Variants in BNIP3 observed in about 807,000 individuals in gnomAD.
BNIP3 encodes BCL2/adenovirus E1B 19 kDa protein-interacting protein 3.
In BNIP3, 16 loss-of-function variants were observed where a neutral mutation model predicts 23.9. That is an observed-to-expected ratio of 0.67 (90% CI 0.45 to 1.01). The LOEUF (loss-of-function observed/expected upper bound fraction) is 1.01. BNIP3 is among the 50% of genes least tolerant of loss of function. The pLI is 0.00. For missense variants in BNIP3, 198 were observed against 248.7 expected (o/e 0.80, Z 1.37); for synonymous variants, 81 against 89.3 (o/e 0.91, Z 0.53).
intron 3 of BNIP3, among the ~76,000 whole-genome samples, chr10:131,971,853 C>G (rs1160373533): frequency 2.6e-5 from 4 of 152,158 alleles, no homozygotes; most frequent in Non-Finnish European, 5.9e-5. Flanking sequence ...AGGGGATGTC[C>G]CTGAGAAAGC....
rs1423131805 is a variant in BNIP3 at position 131,973,604 on chromosome 10, G to A, written c.197+189C>T. On this transcript the variant is annotated intron_variant, in intron 2 of 5. Coordinates refer to ENST00000368636, the MANE Select transcript of BNIP3 (RefSeq NM_004052.4). ...ATGGCTCCCCACAGACTAAGTCCCAGGTCACTGCATCCCCAAAGAGGGCGA... is the reference window on the plus strand; with the variant it reads ...ATGGCTCCCCACAGACTAAGTCCCAAGTCACTGCATCCCCAAAGAGGGCGA... The A allele has an allele frequency of 4.3e-6, 3 of 702,590 alleles. No homozygotes were observed. The African/African-American group carries it at 5.4e-5, about 13-fold the overall frequency. 43.5% of individuals were successfully genotyped at this position (702,590 alleles called of 1,614,324 possible).
intron 3 of BNIP3, chr10:131,971,534 G>A (rs534602479): frequency 6.5e-6 from 1 of 152,962 alleles, no homozygotes; most frequent in Non-Finnish European, 1.5e-5. Context: ...TTAAATCTGA[G>A]AGTCTAAGTG....
chr10:131,974,108 A>G (rs1176569369), intron 1 of BNIP3, among the ~76,000 whole-genome samples, 165 bp from the exon 2 acceptor site: 1 of 152,156 alleles, frequency 6.6e-6, no homozygotes, highest in African/African-American at 2.4e-5. Context: ...GCCCACTCTC[A>G]TGGCAGTGAC....
rs1160933874 is a variant in BNIP3, at chr10:131,981,921, A to C, written c.-115T>G. The stretch of plus-strand genomic sequence containing the variant: ...CGCCGCGGCCCAGCTGCGCTCCCGG[A>C]CTGAGCGGAGCCCCGCAGCCCGGCC... On this transcript the variant is annotated 5_prime_UTR_variant, in exon 1 of 6. Transcript: ENST00000368636. The C allele has an allele frequency of 8.1e-7, 1 of 1,236,874 alleles. No individual in the cohort carries two copies. The highest frequency in any genetic ancestry group is 1.6e-5 in the African/African-American group (1 of 62,990). The allele number at this position is 1,236,874 out of a possible 1,614,324, so 76.6% of individuals were successfully genotyped here.
intron 1 of BNIP3, among the ~76,000 whole-genome samples, chr10:131,977,661 C>T (rs1470941679): frequency 6.6e-6 from 1 of 152,070 alleles, no homozygotes; most frequent in Non-Finnish European, 1.5e-5. Flanking sequence ...CCCCTATGGC[C>T]GAGCCACCTC....
At position 131,975,925 on chromosome 10, in the gene BNIP3, C is replaced by A. The variant is rs370437344; in HGVS notation, c.47-1982G>T. Among the ~76,000 whole-genome samples the A allele has an allele frequency of 6.6e-5, 10 of 152,300 alleles. No individual in the cohort carries two copies. In the South Asian group the frequency reaches 2.1e-3, roughly 32 times the overall value. On this transcript the variant is annotated intron_variant, in intron 1 of 5. Transcript: ENST00000368636. ...CTGGAGCTCAATGGAGGAGAAAGGC[C>A]CAGGCCAGTCTGCCCCACACTCTGG...
chr10:131,978,472 C>A (rs7350460), intron 1 of BNIP3, among the ~76,000 whole-genome samples: 1 of 151,972 alleles, frequency 6.6e-6, no homozygotes, highest in East Asian at 1.9e-4. Flanking sequence ...GGAATCCCTT[C>A]GATTCACTGC....
At chr10:131,977,288 C>A (rs1365270976) in intron 1 of BNIP3, among the ~76,000 whole-genome samples, 1 of 152,004 alleles carries the variant, frequency 6.6e-6, no homozygotes, top group Non-Finnish European at 1.5e-5. Context: ...AAAAAAAAGA[C>A]ACTGCTCAGG....
chr10:131,981,907 A>C lies in BNIP3; in HGVS notation c.-101T>G. On this transcript the variant is annotated 5_prime_UTR_variant, in exon 1 of 6. Coordinates refer to ENST00000368636, the MANE Select transcript of BNIP3 (RefSeq NM_004052.4). The stretch of plus-strand genomic sequence containing the variant: ...AGCGGAGGTCGGAGCGCCGCGGCCC[A>C]GCTGCGCTCCCGGACTGAGCGGAGC... The C allele has an allele frequency of 7.6e-7, 1 of 1,312,034 alleles. No homozygotes were observed. Among genetic ancestry groups the C allele is most frequent in the Non-Finnish European group, 9.8e-7 (1 of 1,018,952 alleles). The allele number at this position is 1,312,034 out of a possible 1,614,324, so 81.3% of individuals were successfully genotyped here. A position where few individuals can be genotyped will look rare whatever the true frequency, so the allele number is the denominator to read the frequency against.
In BNIP3 at chr10:131,970,584, C is replaced by T. The variant is rs369334938; in HGVS notation, c.539+54G>A. 1 of 1,589,668 alleles carries T rather than the reference C, an allele frequency of 6.3e-7. No individual in the cohort carries two copies. The highest frequency in any genetic ancestry group is 8.6e-7 in the Non-Finnish European group (1 of 1,166,998). ...CAGGTTACGAATAAATCACTGCAACCCAGAATCGCCCCACGACATGCCATG... is the reference window on the plus strand; with the variant it reads ...CAGGTTACGAATAAATCACTGCAACTCAGAATCGCCCCACGACATGCCATG... On this transcript the variant is annotated intron_variant, in intron 5 of 5. Coordinates refer to ENST00000368636, the MANE Select transcript of BNIP3 (RefSeq NM_004052.4). The surrounding 1 kb of genome is among the most constrained non-coding windows in gnomAD (Gnocchi z 4.1).
intron 1 of BNIP3, among the ~76,000 whole-genome samples, chr10:131,975,638 G>C (rs959209272): frequency 6.6e-6 from 1 of 152,134 alleles, no homozygotes; most frequent in Non-Finnish European, 1.5e-5. Context: ...TCCTGAAAGA[G>C]GGCTGGCCTA....
intron 1 of BNIP3, among the ~76,000 whole-genome samples, chr10:131,974,544 C>T (rs1451007320): frequency 6.6e-6 from 1 of 152,188 alleles, no homozygotes; most frequent in African/African-American, 2.4e-5. Flanking sequence ...TGCACCACTA[C>T]TCCTGGCTAT....
chr10:131,981,736 TC>T (rs2037120662), intron 1 of BNIP3, 24 bp downstream of exon 1: 3 of 1,461,728 alleles, frequency 2.1e-6, no homozygotes, highest in Middle Eastern at 4.1e-4. Context: ...CCCCCTCGGC[TC>T]CCGCGCCGCC....
intron 1 of BNIP3, 22 bp downstream of exon 1, chr10:131,981,739 C>T: frequency 3.4e-6 from 5 of 1,465,268 alleles, no homozygotes; most frequent in South Asian, 1.3e-5. Flanking sequence ...CCTCGGCTCC[C>T]GCGCCGCCTC....
chr10:131,981,364 A>G, intron 1 of BNIP3: 1 of 275,524 alleles, frequency 3.6e-6, no homozygotes, highest in Non-Finnish European at 6.8e-6. Context: ...GTGTTTGGTC[A>G]TTAAAACCAA....
chr10:131,970,823 T>C lies in BNIP3; in HGVS notation c.390-36A>G, dbSNP rs1171647670. The C allele has an allele frequency of 1.2e-6, 2 of 1,614,250 alleles. No homozygotes were observed. Among genetic ancestry groups the C allele is most frequent in the East Asian group, 2.2e-5 (1 of 44,890 alleles). On this transcript the variant is annotated intron_variant, in intron 4 of 5. Coordinates refer to ENST00000368636, the MANE Select transcript of BNIP3 (RefSeq NM_004052.4). This position sits in a 1 kb window ranked among gnomAD's most constrained non-coding sequence, Gnocchi z 4.1. Reference sequence around the variant, plus strand: ...AAGAAACGTGTCAGCTGATGTGTCCTCTGTCAAGGGGTGCCCCCGTGACAC... The same window carrying C: ...AAGAAACGTGTCAGCTGATGTGTCCCCTGTCAAGGGGTGCCCCCGTGACAC...
chr10:131,980,826 CTG>C (rs2037113500), intron 1 of BNIP3: 1 of 152,224 alleles, frequency 6.6e-6, no homozygotes, highest in South Asian at 2.1e-4. Flanking sequence ...TTAGTAAACT[CTG>C]GCTTCAAAGA....
At chr10:131,975,421 T>G (rs576066133) in intron 1 of BNIP3, among the ~76,000 whole-genome samples, 5 of 152,312 alleles carry the variant, frequency 3.3e-5, no homozygotes, top group African/African-American at 9.6e-5. Flanking sequence ...CAGGGAAACT[T>G]ATGGACGAGA....
Position 131,974,695 on chromosome 10 carries a change from G to T in BNIP3, c.47-752C>A, listed in dbSNP as rs150428592. On this transcript the variant is annotated intron_variant, in intron 1 of 5. Transcript: ENST00000368636. The stretch of plus-strand genomic sequence containing the variant: ...ATGCCCAGCCTCTATGACTTGCATC[G>T]TGTGGCTTACTTTGCATTTATATAA... Among the ~76,000 whole-genome samples, 139 of 152,304 alleles carry T rather than the reference G, an allele frequency of 9.1e-4. 1 individual carries two copies. In the East Asian group the frequency reaches 0.021, roughly 23 times the overall value.
Sources: allele counts gnomAD v4.1 joint callset (sites outside exome capture counted in the v4.1 genomes callset), GRCh38; gene constraint gnomAD v4.1.1; non-coding constraint Gnocchi (gnomAD v3.1); transcripts MANE v1.5; gene names NCBI Gene and HGNC (gene_info 2026-07-23, HGNC 2026-07-21).